IL23R: variants seen among roughly 807,000 people sequenced by gnomAD.
IL23R encodes interleukin 23 receptor, also known as interleukin-23 receptor.
Under a neutral mutation model 56.9 loss-of-function variants are expected in IL23R, and 34 were observed. That is an observed-to-expected ratio of 0.60 (90% CI 0.45 to 0.80). The LOEUF is 0.80. Among genes scored for constraint, IL23R ranks in the 30% least tolerant of loss-of-function variants. IL23R has a pLI of 0.00. For synonymous variants in IL23R, 230 were observed against 249.2 expected (o/e 0.92, Z 0.73); for missense variants, 635 against 730.0 (o/e 0.87, Z 1.50).
At chr1:67,232,701 T>C (rs1188724817) in intron 7 of IL23R, among the ~76,000 whole-genome samples, 1 of 152,178 alleles carries the variant, frequency 6.6e-6, no homozygotes, top group African/African-American at 2.4e-5. Context: ...TAATTAATAC[T>C]CATTAAATGG....
At chr1:67,182,980 T>A in intron 4 of IL23R, 21 bp downstream of exon 4, 1 of 1,613,570 alleles carries the variant, frequency 6.2e-7, no homozygotes, top group Non-Finnish European at 8.5e-7. Flanking sequence ...TCCTCACGGC[T>A]TCATATAAGC....
At chr1:67,249,639 A>C (rs533853247) in intron 9 of IL23R, among the ~76,000 whole-genome samples, 18 of 152,162 alleles carry the variant, frequency 1.2e-4, no homozygotes, top group Non-Finnish European at 2.5e-4. Flanking sequence ...TTTTATTTTG[A>C]CAATCCCATG....
At chr1:67,175,245 G>T (rs1360129275) in intron 3 of IL23R, among the ~76,000 whole-genome samples, 1 of 152,134 alleles carries the variant, frequency 6.6e-6, no homozygotes, top group Non-Finnish European at 1.5e-5. Flanking sequence ...GGCAGGAATG[G>T]GGGTGGGATG....
intron 7 of IL23R, among the ~76,000 whole-genome samples, chr1:67,228,122 TTC>T (rs1650839085): frequency 1.5e-5 from 2 of 131,106 alleles, no homozygotes; most frequent in African/African-American, 2.8e-5. Context: ...CTTTCTTTCT[TTC>T]TTTCCTTCTT....
chr1:67,179,276 T>A (rs1389811597), intron 3 of IL23R, among the ~76,000 whole-genome samples: 4 of 152,240 alleles, frequency 2.6e-5, no homozygotes, highest in Non-Finnish European at 4.4e-5. Context: ...AGGCTATTAA[T>A]TATTGCCTCA....
chr1:67,261,336 CT>C (rs1653195945), downstream of IL23R, among the ~76,000 whole-genome samples: 1 of 139,650 alleles, frequency 7.2e-6, no homozygotes, highest in Admixed American at 7.2e-5. Flanking sequence ...TTTTTTTGCA[CT>C]GACAATCCTC....
At chr1:67,223,711 TCTTA>T (rs1650443074) in intron 7 of IL23R, among the ~76,000 whole-genome samples, 1 of 152,224 alleles carries the variant, frequency 6.6e-6, no homozygotes, top group Non-Finnish European at 1.5e-5. Context: ...ATCCTGATTT[TCTTA>T]CTTAATCTAC....
At chr1:67,145,392 G>C (rs1046379254) in intron 1 of IL23R, among the ~76,000 whole-genome samples, 2 of 152,182 alleles carry the variant, frequency 1.3e-5, no homozygotes, top group African/African-American at 4.8e-5. Flanking sequence ...CCCTAATATG[G>C]TAGGATGAAT....
At chr1:67,176,043 AATGAC>A (rs1479567532) in intron 3 of IL23R, among the ~76,000 whole-genome samples, 5 of 152,204 alleles carry the variant, frequency 3.3e-5, no homozygotes, top group Non-Finnish European at 5.9e-5. Context: ...AATGCTGCTC[AATGAC>A]ATCAAACTCA....
intron 7 of IL23R, among the ~76,000 whole-genome samples, chr1:67,236,106 A>C (rs1240432306): frequency 6.6e-6 from 1 of 152,202 alleles, no homozygotes; most frequent in Non-Finnish European, 1.5e-5. Flanking sequence ...CCCTGGTCAG[A>C]ATCATTCATT....
intron 6 of IL23R, among the ~76,000 whole-genome samples, chr1:67,212,542 T>TC (rs532749448): frequency 9.7e-3 from 262 of 27,132 alleles, no homozygotes; most frequent in African/African-American, 0.038. Context: ...AGTCATGCAA[T>TC]CTTTTTTTTT....
At chr1:67,145,402 T>TACTTAACACTAAGTATGA (rs1457522714) in intron 1 of IL23R, among the ~76,000 whole-genome samples, 1 of 152,208 alleles carries the variant, frequency 6.6e-6, no homozygotes, top group Non-Finnish European at 1.5e-5. Flanking sequence ...GTAGGATGAA[T>TACTTAACACTAAGTATGA]ACTTAACACT....
chr1:67,231,077 T>G (rs749562034), intron 7 of IL23R, among the ~76,000 whole-genome samples: 2 of 152,216 alleles, frequency 1.3e-5, no homozygotes, highest in Non-Finnish European at 2.9e-5. Flanking sequence ...ATATGACTCC[T>G]CTTTCTTGAA....
intron 1 of IL23R, among the ~76,000 whole-genome samples, chr1:67,156,186 A>C (rs761693086): frequency 8.5e-5 from 13 of 152,304 alleles, no homozygotes; most frequent in Non-Finnish European, 1.3e-4. Flanking sequence ...GAGGGGCACC[A>C]GCCTGATGCC....
At position 67,227,573 on chromosome 1, in the gene IL23R, T is replaced by C. The variant is rs190314022; in HGVS notation, c.955+7843T>C. ...GATGCTCATTAATTTTTCAGGTTTT[T>C]AAGTGGCTAAAAGGGAAAAAGCAAA... On this transcript the variant is annotated intron_variant, in intron 7 of 10. Coordinates refer to ENST00000347310, the MANE Select transcript of IL23R (RefSeq NM_144701.3). Among the ~76,000 whole-genome samples, 193 of 152,324 alleles carry C rather than the reference T, an allele frequency of 1.3e-3. 1 individual carries two copies. Among genetic ancestry groups the C allele is most frequent in the Admixed American group, 4.2e-3 (65 of 15,308 alleles).
chr1:67,228,059 T>TTCTTTC (rs1650811825), intron 7 of IL23R, among the ~76,000 whole-genome samples: 2 of 80,708 alleles, frequency 2.5e-5, no homozygotes, highest in African/African-American at 1.2e-4. Context: ...CTTTCTTTCT[T>TTCTTTC]TCTCTGTCTC....
chr1:67,231,065 T>G (rs933375218), intron 7 of IL23R, among the ~76,000 whole-genome samples: 4 of 152,198 alleles, frequency 2.6e-5, no homozygotes, highest in Non-Finnish European at 2.9e-5. Context: ...TTGTCTCCTT[T>G]AATATGACTC....
At chr1:67,255,243 C>T (rs139761406) in intron 9 of IL23R, among the ~76,000 whole-genome samples, 20 of 152,046 alleles carry the variant, frequency 1.3e-4, no homozygotes, top group African/African-American at 4.6e-4. Context: ...AATATGTGTA[C>T]GGTTTCACTG....
chr1:67,181,025 C>T (rs1051947719), intron 3 of IL23R, among the ~76,000 whole-genome samples: 33 of 152,284 alleles, frequency 2.2e-4, no homozygotes, highest in Middle Eastern at 3.4e-3. Context: ...GTGGGTAACC[C>T]GACCTTTCTC....
Sources: gnomAD v4.1 joint callset for allele counts (sites outside exome capture counted in the v4.1 genomes callset) on GRCh38, gnomAD v4.1.1 for gene constraint, MANE v1.5 for transcripts, NCBI Gene and HGNC (gene_info 2026-07-23, HGNC 2026-07-21) for gene names.